Variants in PIK3AP1 observed in about 807,000 individuals in gnomAD.
PIK3AP1 encodes phosphoinositide 3-kinase adapter protein 1.
Under a neutral mutation model 88.1 loss-of-function variants are expected in PIK3AP1, and 21 were observed. The ratio of observed to expected loss-of-function variants is 0.24; its 90% CI spans 0.17 to 0.34. The LOEUF (loss-of-function observed/expected upper bound fraction) is 0.34, where lower values mean the gene tolerates loss of function less well. Ranked by LOEUF, PIK3AP1 falls within the 10% of genes least tolerant of loss-of-function variation. The probability of loss-of-function intolerance (pLI) is 1.00; values close to 1 mark genes in which losing one functional copy is unlikely to be tolerated. For missense variants in PIK3AP1, 828 were observed against 1,035.7 expected (o/e 0.80, Z 2.75); for synonymous variants, 398 against 400.0 (o/e 1.00, Z 0.06).
At position 96,692,271 on chromosome 10, in the gene PIK3AP1, T is replaced by A. The variant is rs1589540992; in HGVS notation, c.430+17296A>T. On this transcript the variant is annotated intron_variant, in intron 2 of 16. Coordinates refer to ENST00000339364, the MANE Select transcript of PIK3AP1 (RefSeq NM_152309.3). ...TACAGCTGTTTTAAAAAATCAAATG[T>A]GAACTAAGAAATGTTATATTGTGGC... Among the ~76,000 whole-genome samples, 6 of 152,192 alleles carry A rather than the reference T, an allele frequency of 3.9e-5. No homozygotes were observed. The East Asian group carries it at 1.2e-3, about 29-fold the overall frequency.
intron 2 of PIK3AP1, among the ~76,000 whole-genome samples, chr10:96,671,498 C>A (rs1378602093): frequency 2.0e-5 from 3 of 152,108 alleles, no homozygotes; most frequent in East Asian, 1.9e-4. Context: ...CAGCTACCCC[C>A]AAAGTCACAT....
At chr10:96,605,612 AG>A (rs1346446654) in intron 14 of PIK3AP1, among the ~76,000 whole-genome samples, 2 of 152,224 alleles carry the variant, frequency 1.3e-5, no homozygotes, top group Admixed American at 1.3e-4. Flanking sequence ...GTAAGTTTAT[AG>A]GTAGTCAAAA....
intron 2 of PIK3AP1, among the ~76,000 whole-genome samples, chr10:96,670,804 G>A (rs17112028): frequency 0.12 from 18,453 of 152,190 alleles, 1,871 homozygotes; most frequent in African/African-American, 0.26. Context: ...CAGGCAGAAT[G>A]TATCAGCTCT....
At chr10:96,645,818 C>T (rs558613582) in intron 7 of PIK3AP1, among the ~76,000 whole-genome samples, 156 bp from the exon 8 acceptor site, 55 of 152,308 alleles carry the variant, frequency 3.6e-4, no homozygotes, top group Non-Finnish European at 7.1e-4. Context: ...CCTGACTGAA[C>T]GCTCCTTGAG....
chr10:96,661,254 G>C (rs935666144), intron 2 of PIK3AP1, among the ~76,000 whole-genome samples: 7 of 152,040 alleles, frequency 4.6e-5, no homozygotes, highest in Admixed American at 4.6e-4. Context: ...GGAAAAGGCA[G>C]AACTATGGAT....
chr10:96,687,622 A>AT (rs1350222974), intron 2 of PIK3AP1, among the ~76,000 whole-genome samples: 1 of 151,772 alleles, frequency 6.6e-6, no homozygotes, highest in Non-Finnish European at 1.5e-5. Context: ...CGCTTTCTCT[A>AT]TTTTTCCCAT....
chr10:96,687,260 A>C (rs1844083849), intron 2 of PIK3AP1, among the ~76,000 whole-genome samples: 1 of 136,442 alleles, frequency 7.3e-6, no homozygotes, highest in Non-Finnish European at 1.5e-5. Context: ...CATCTCAAAA[A>C]AAAAAAAAAA....
At chr10:96,629,930 A>AAAAAAGAAG (rs776780994) in intron 8 of PIK3AP1, among the ~76,000 whole-genome samples, 4 of 13,718 alleles carry the variant, frequency 2.9e-4, no homozygotes, top group African/African-American at 7.4e-4. Context: ...AAAAAAAAAA[A>AAAAAAGAAG]AAGAAGAAGA....
chr10:96,620,916 G>T, intron 11 of PIK3AP1: 1 of 224,764 alleles, frequency 4.4e-6, no homozygotes, highest in South Asian at 6.7e-5. Flanking sequence ...TCTGCTTAGA[G>T]ACTCTGGTGT....
At chr10:96,601,473 C>CAAA (rs11407501) in intron 16 of PIK3AP1, among the ~76,000 whole-genome samples, 38,832 of 75,604 alleles carry the variant, frequency 0.51, 11,124 homozygotes, top group East Asian at 0.79. Flanking sequence ...GAATCTATCT[C>CAAA]AAAAAAAAAA....
rs376969413 is a variant in PIK3AP1 at position 96,709,592 on chromosome 10, T to C, written c.405A>G (p.Ala135=). ...CTTCGGAAATGGCTTTTTTCACAGC[T>C]GCCACGTAGGTCTCTGGCTCATCGT... The part of the protein sequence containing the change: ...TCDDEPETYV[A]AVKKAISEDS... The change falls in exon 2 of 17, where the codon GCA becomes GCG. Residue 135 remains alanine (A), a synonymous_variant. Transcript: ENST00000339364. The C allele has an allele frequency of 1.6e-4, 254 of 1,607,948 alleles. 1 individual carries two copies. The highest frequency in any genetic ancestry group is 1.5e-3 in the Middle Eastern group (9 of 6,040).
At chr10:96,676,590 A>C (rs1589531856) in intron 2 of PIK3AP1, among the ~76,000 whole-genome samples, 1 of 151,246 alleles carries the variant, frequency 6.6e-6, no homozygotes, top group Non-Finnish European at 1.5e-5. Flanking sequence ...GTTGCCTTAG[A>C]GGCCTTTTTT....
At chr10:96,635,050 C>A (rs186795016) in intron 8 of PIK3AP1, among the ~76,000 whole-genome samples, 185 of 152,286 alleles carry the variant, frequency 1.2e-3, no homozygotes, top group Non-Finnish European at 2.4e-3. Flanking sequence ...CTTTTAAGGA[C>A]CTTTTTGATT....
intron 6 of PIK3AP1, among the ~76,000 whole-genome samples, chr10:96,649,587 T>G (rs1843509314): frequency 1.3e-5 from 2 of 152,236 alleles, no homozygotes; most frequent in Admixed American, 6.5e-5. Flanking sequence ...TCTTAGCCCT[T>G]ATTCCTAATT....
In PIK3AP1 at chr10:96,616,682, G is replaced by A. The variant is rs769968756; in HGVS notation, c.1971C>T (p.Ile657=). ...QENLKRLRDS[I]TRRQREKQKS... ...TTTGCTTCTCTCTCTGTCTTCGGGTGATGCTGTCTCTTAGCCGTTTAAGAT... is the reference window on the plus strand; with the variant it reads ...TTTGCTTCTCTCTCTGTCTTCGGGTAATGCTGTCTCTTAGCCGTTTAAGAT... The change falls in exon 13 of 17, where the codon ATC becomes ATT. Residue 657 remains isoleucine (I), a synonymous_variant. Coordinates refer to ENST00000339364, the MANE Select transcript of PIK3AP1 (RefSeq NM_152309.3). 2 of 1,614,170 alleles carry A rather than the reference G, an allele frequency of 1.2e-6. No homozygotes were observed. Among genetic ancestry groups the A allele is most frequent in the Non-Finnish European group, 8.5e-7 (1 of 1,180,024 alleles).
intron 8 of PIK3AP1, among the ~76,000 whole-genome samples, chr10:96,632,600 GA>G (rs1268758326): frequency 6.6e-6 from 1 of 152,098 alleles, no homozygotes; most frequent in Non-Finnish European, 1.5e-5. Flanking sequence ...AACCACTTGT[GA>G]AAAACAAATA....
chr10:96,626,686 C>A, intron 10 of PIK3AP1, 22 bp downstream of exon 10: 1 of 1,610,524 alleles, frequency 6.2e-7, no homozygotes, highest in Non-Finnish European at 8.5e-7. Flanking sequence ...CCCAGTTGGA[C>A]ATCATTCCCT....
chr10:96,637,314 T>TCACTTACA (rs35300133), intron 8 of PIK3AP1, among the ~76,000 whole-genome samples: 1 of 127,998 alleles, frequency 7.8e-6, no homozygotes, highest in Non-Finnish European at 1.7e-5. Flanking sequence ...AGATATACAA[T>TCACTTACA]CACACACACA....
intron 14 of PIK3AP1, among the ~76,000 whole-genome samples, chr10:96,605,554 C>T (rs1393557889): frequency 6.6e-6 from 1 of 152,130 alleles, no homozygotes; most frequent in Non-Finnish European, 1.5e-5. Context: ...ACAACATAGT[C>T]AAGATCTTAG....
Sources: allele counts gnomAD v4.1 joint callset (sites outside exome capture counted in the v4.1 genomes callset), GRCh38; gene constraint gnomAD v4.1.1; transcripts MANE v1.5; gene names NCBI Gene and HGNC (gene_info 2026-07-23, HGNC 2026-07-21).